The following RFX3 variants were observed in gnomAD, a reference collection of about 807,000 sequenced individuals.
RFX3 encodes transcription factor RFX3.
Under a neutral mutation model 98.6 loss-of-function variants are expected in RFX3, and 14 were observed. That is an observed-to-expected ratio of 0.14 (90% CI 0.09 to 0.22). The LOEUF (loss-of-function observed/expected upper bound fraction) is 0.22, where lower values mean the gene tolerates loss of function less well. Among genes scored for constraint, RFX3 ranks in the 10% least tolerant of loss-of-function variants. The pLI is 1.00. For missense variants in RFX3, 639 were observed against 926.9 expected, an observed-to-expected ratio of 0.69 and a Z score of 4.03; for synonymous variants, 383 against 328.4, an observed-to-expected ratio of 1.17 and a Z score of -1.80.
At chr9:3,386,265 T>C (rs572766341) in intron 2 of RFX3, among the ~76,000 whole-genome samples, 28 of 152,226 alleles carry the variant, frequency 1.8e-4, no homozygotes, top group African/African-American at 6.0e-4. Flanking sequence ...CTCCAAATTT[T>C]TTTTTAGAAG....
intron 1 of RFX3, among the ~76,000 whole-genome samples, chr9:3,460,078 G>A (rs1232958917): frequency 1.3e-5 from 2 of 151,968 alleles, no homozygotes; most frequent in Non-Finnish European, 2.9e-5. Flanking sequence ...ACATATCAAA[G>A]GACCCCAGTC....
chr9:3,387,438 G>A (rs1002294902), intron 2 of RFX3, among the ~76,000 whole-genome samples: 4 of 152,034 alleles, frequency 2.6e-5, no homozygotes, highest in Admixed American at 2.6e-4. Context: ...AAATAGTAGA[G>A]CTCTCATTTT....
At position 3,219,659 on chromosome 9, in the gene RFX3, A is replaced by C. The variant is rs1279628696; in HGVS notation, c.*5383T>G. ...TAAACTCAGGTCTACTGGCACATAAAATCACTAGCAGCAATGATCAAGGCA... is the reference window on the plus strand; with the variant it reads ...TAAACTCAGGTCTACTGGCACATAACATCACTAGCAGCAATGATCAAGGCA... On this transcript the variant is annotated 3_prime_UTR_variant, in exon 17 of 17. Coordinates refer to ENST00000617270, the MANE Select transcript of RFX3 (RefSeq NM_001282116.2). 6.6e-6 allele frequency: 1 copy of C among 152,200 alleles called. No individual in the cohort carries two copies. The highest frequency in any genetic ancestry group is 2.4e-5 in the African/African-American group (1 of 41,456). 9.4% of individuals were successfully genotyped at this position (152,200 alleles called of 1,614,324 possible). A position where few individuals can be genotyped will look rare whatever the true frequency, so the allele number is the denominator to read the frequency against.
At chr9:3,244,164 G>A (rs950557528) in intron 15 of RFX3, among the ~76,000 whole-genome samples, 4 of 151,678 alleles carry the variant, frequency 2.6e-5, no homozygotes, top group African/African-American at 4.8e-5. Flanking sequence ...CACCACGCCC[G>A]CCTAATTTTT....
At chr9:3,496,346 TGA>T (rs1186146181) in intron 1 of RFX3, among the ~76,000 whole-genome samples, 7 of 152,016 alleles carry the variant, frequency 4.6e-5, no homozygotes, top group Non-Finnish European at 7.4e-5. Flanking sequence ...GAAATCTGAA[TGA>T]GAGGTCATTT....
chr9:3,315,214 A>G (rs547505574), intron 4 of RFX3, among the ~76,000 whole-genome samples: 25 of 152,280 alleles, frequency 1.6e-4, no homozygotes, highest in Non-Finnish European at 1.8e-4. Flanking sequence ...CTCAGGATTA[A>G]GAAACTCACT....
At position 3,480,330 on chromosome 9, in the gene RFX3, C is replaced by G. The variant is rs545129912; in HGVS notation, c.-9+45417G>C. Among the ~76,000 whole-genome samples, 4 of 152,338 alleles carry G rather than the reference C, an allele frequency of 2.6e-5. No individual in the cohort carries two copies. The East Asian group carries it at 7.7e-4, about 29-fold the overall frequency. On this transcript the variant is annotated intron_variant, in intron 1 of 16. Coordinates refer to ENST00000617270, the MANE Select transcript of RFX3 (RefSeq NM_001282116.2). ...CCATGTGGCCTCTTTTCCACTGGGT[C>G]TCTCTAGGAGAACGGTCAGATTCTT... is the stretch of plus-strand genomic sequence containing the variant.
At chr9:3,494,380 T>C (rs1000089260) in intron 1 of RFX3, among the ~76,000 whole-genome samples, 2 of 151,734 alleles carry the variant, frequency 1.3e-5, no homozygotes, top group African/African-American at 4.8e-5. Context: ...CATGTACTGA[T>C]AAATGTTTAA....
At position 3,263,141 on chromosome 9, in the gene RFX3, G is replaced by A. The variant is rs970200303; in HGVS notation, c.1456-57C>T. The A allele has an allele frequency of 2.6e-6, 4 of 1,563,310 alleles. No individual in the cohort carries two copies. In the African/African-American group the frequency reaches 4.1e-5, roughly 16 times the overall value. On this transcript the variant is annotated intron_variant, in intron 12 of 16. Transcript: ENST00000617270. ...GTTTCCTCCAGTAAAAGAAACCACTGCAATTTTCAAATCTTCTTTCCCTTC... is the reference window on the plus strand; with the variant it reads ...GTTTCCTCCAGTAAAAGAAACCACTACAATTTTCAAATCTTCTTTCCCTTC...
At chr9:3,456,407 C>T (rs954936234) in intron 1 of RFX3, among the ~76,000 whole-genome samples, 5 of 152,172 alleles carry the variant, frequency 3.3e-5, no homozygotes, top group African/African-American at 1.2e-4. Flanking sequence ...TTCAGCTAAT[C>T]ATTTCAGATG....
At chr9:3,274,691 T>C (rs1448937360) in intron 9 of RFX3, among the ~76,000 whole-genome samples, 1 of 152,128 alleles carries the variant, frequency 6.6e-6, no homozygotes, top group African/African-American at 2.4e-5. Context: ...GAAATTATTT[T>C]AATAGAAATA....
rs1024880498 is a variant in RFX3 at position 3,246,645 on chromosome 9, G to A, written c.1968+1387C>T. Among the ~76,000 whole-genome samples the A allele has an allele frequency of 2.6e-5, 4 of 152,130 alleles. 1 individual carries two copies. The highest frequency in any genetic ancestry group is 5.9e-5 in the Non-Finnish European group (4 of 68,016). ...AGAAATTTTAGAGTACTGAGTCCACGTGCTACCTGGGCATTTTCCAACAAG... is the reference window on the plus strand; with the variant it reads ...AGAAATTTTAGAGTACTGAGTCCACATGCTACCTGGGCATTTTCCAACAAG... On this transcript the variant is annotated intron_variant, in intron 15 of 16. Coordinates refer to ENST00000617270, the MANE Select transcript of RFX3 (RefSeq NM_001282116.2).
intron 1 of RFX3, among the ~76,000 whole-genome samples, chr9:3,504,354 T>C (rs1391333891): frequency 8.4e-6 from 1 of 119,306 alleles, no homozygotes; most frequent in Non-Finnish European, 1.6e-5. Context: ...ACATAGCATA[T>C]ATTGTATATA....
rs1423273648 is a variant in RFX3, at chr9:3,220,352, A to G, written c.*4690T>C. 2.0e-5 allele frequency: 3 copies of G among 152,140 alleles called. No homozygotes were observed. Among genetic ancestry groups the G allele is most frequent in the South Asian group, 2.1e-4 (1 of 4,824 alleles). The allele number at this position is 152,140 out of a possible 1,614,324, so 9.4% of individuals were successfully genotyped here. A position where few individuals can be genotyped will look rare whatever the true frequency, so the allele number is the denominator to read the frequency against. ...CATTTTGGGAAAAAAAAGACAAAAA[A>G]AAAAGAAACTTAACCCTTTCTTTAT... On this transcript the variant is annotated 3_prime_UTR_variant, in exon 17 of 17. Coordinates refer to ENST00000617270, the MANE Select transcript of RFX3 (RefSeq NM_001282116.2).
In RFX3 at chr9:3,482,497, G is replaced by A. The variant is rs566608639; in HGVS notation, c.-9+43250C>T. On this transcript the variant is annotated intron_variant, in intron 1 of 16. Coordinates refer to ENST00000617270, the MANE Select transcript of RFX3 (RefSeq NM_001282116.2). ...TAAGCATATATAAACTTTTATAATT[G>A]CAATTTAATAAAATTGTTTTCACTT... Among the ~76,000 whole-genome samples, 5 of 152,200 alleles carry A rather than the reference G, an allele frequency of 3.3e-5. No homozygotes were observed. In the South Asian group the frequency reaches 1.0e-3, roughly 32 times the overall value.
At chr9:3,252,918 G>A (rs1395740314) in intron 14 of RFX3, among the ~76,000 whole-genome samples, 7 of 152,092 alleles carry the variant, frequency 4.6e-5, no homozygotes, top group African/African-American at 1.4e-4. Flanking sequence ...TATCATTAAC[G>A]CTATGTCTAC....
intron 1 of RFX3, among the ~76,000 whole-genome samples, chr9:3,445,793 TA>T (rs1221048403): frequency 6.6e-6 from 1 of 152,170 alleles, no homozygotes; most frequent in Non-Finnish European, 1.5e-5. Flanking sequence ...ATTCTAGACA[TA>T]CTAAGATCTT....
Position 3,257,008 on chromosome 9 carries a change from T to C in RFX3, c.1797A>G (p.Leu599=), listed in dbSNP as rs763984737. The part of the protein sequence containing the change: ...SFPKAARQFL[L]KWSFYSSMVI... ...GATGATACCTGTAGAAAGACCATTTTAGCAGAAACTGCCTGGCGGCTTTAG... is the reference window on the plus strand; with the variant it reads ...GATGATACCTGTAGAAAGACCATTTCAGCAGAAACTGCCTGGCGGCTTTAG... The change falls in exon 14 of 17, where the codon CTA becomes CTG. Residue 599 remains leucine (L), a synonymous_variant. Transcript: ENST00000617270. 4 of 1,614,136 alleles carry C rather than the reference T, an allele frequency of 2.5e-6. No homozygotes were observed. The highest frequency in any genetic ancestry group is 3.4e-6 in the Non-Finnish European group (4 of 1,179,978).
intron 1 of RFX3, among the ~76,000 whole-genome samples, chr9:3,501,612 A>C (rs1240115033): frequency 7.2e-6 from 1 of 139,336 alleles, no homozygotes; most frequent in Non-Finnish European, 1.5e-5. Context: ...GCTGGAGTGC[A>C]GTGGTGCAAT....
Sources: allele counts gnomAD v4.1 joint callset (sites outside exome capture counted in the v4.1 genomes callset), GRCh38; gene constraint gnomAD v4.1.1; transcripts MANE v1.5; gene names NCBI Gene and HGNC (gene_info 2026-07-23, HGNC 2026-07-21).